Variants in SLFN12L observed in about 807,000 individuals in gnomAD.
SLFN12L encodes the protein schlafen family member 12 like.
SLFN12L carries 34 observed loss-of-function variants against 34.8 expected under a neutral mutation model. The observed-to-expected ratio is 0.98, with a 90% confidence interval of 0.74 to 1.30. SLFN12L has a LOEUF of 1.30. SLFN12L is among the 50% of genes most tolerant of loss of function. The pLI, the probability that SLFN12L is intolerant of heterozygous loss-of-function variation, is 0.00. For missense variants in SLFN12L, 703 were observed against 696.2 expected (o/e 1.01, Z -0.11); for synonymous variants, 259 against 247.5 (o/e 1.05, Z -0.44).
In SLFN12L at chr17:35,472,100, A is replaced by G. The variant is rs1038039149; in HGVS notation, c.*2823T>C. Among the ~76,000 whole-genome samples the G allele has an allele frequency of 1.3e-5, 2 of 152,098 alleles. No individual in the cohort carries two copies. Among genetic ancestry groups the G allele is most frequent in the African/African-American group, 2.4e-5 (1 of 41,390 alleles). On this transcript the variant is annotated 3_prime_UTR_variant, in exon 5 of 5. Transcript: ENST00000628453. ...TTTGTCAACTTTGGCTTTCGTTGCA[A>G]TTGCTTTTGGTGTTTTTGTCATGAA...
Position 35,467,261 on chromosome 17 carries a change from C to T in SLFN12L, c.*7662G>A, listed in dbSNP as rs34048495. Among the ~76,000 whole-genome samples, 23,106 of 152,160 alleles carry T rather than the reference C, an allele frequency of 0.15. 1,876 individuals are homozygous for T. The highest frequency in any genetic ancestry group is 0.27 in the South Asian group (1,285 of 4,826). On this transcript the variant is annotated 3_prime_UTR_variant, in exon 5 of 5. Coordinates refer to ENST00000628453, the MANE Select transcript of SLFN12L (RefSeq NM_001363830.2). Reference sequence around the variant, plus strand: ...ATGATGGAGCTAGGTGGAATATTACCGAATGCTGGATGCCCTGGCCAACAA... The same window carrying T: ...ATGATGGAGCTAGGTGGAATATTACTGAATGCTGGATGCCCTGGCCAACAA...
At chr17:35,521,666 G>A (rs1191515030) in intron 2 of SLFN12L, among the ~76,000 whole-genome samples, 1 of 152,076 alleles carries the variant, frequency 6.6e-6, no homozygotes, top group Non-Finnish European at 1.5e-5. Context: ...TCAGGGATAT[G>A]GTGAACTATG....
At position 35,472,133 on chromosome 17, in the gene SLFN12L, C is replaced by A. The variant is rs1913818519; in HGVS notation, c.*2790G>T. On this transcript the variant is annotated 3_prime_UTR_variant, in exon 5 of 5. Transcript: ENST00000628453. ...TGGTGTTTTTGTCATGAAGTCTTTG[C>A]CCATGCCTATGTCCTGAATGGTATT... Among the ~76,000 whole-genome samples the A allele has an allele frequency of 6.6e-6, 1 of 152,170 alleles. No individual in the cohort carries two copies. Among genetic ancestry groups the A allele is most frequent in the African/African-American group, 2.4e-5 (1 of 41,428 alleles).
chr17:35,530,480 G>GA (rs1397358870), intron 1 of SLFN12L, among the ~76,000 whole-genome samples: 1 of 53,142 alleles, frequency 1.9e-5, no homozygotes, highest in Non-Finnish European at 4.4e-5. Context: ...AAGAAAGAAA[G>GA]AAAGAAAGAA....
intron 3 of SLFN12L, 98 bp from the exon 4 acceptor site, chr17:35,478,283 A>G (rs1914128140): frequency 1.4e-6 from 1 of 713,006 alleles, no homozygotes; most frequent in South Asian, 1.7e-5. Flanking sequence ...TCTACTTAGA[A>G]CTGATCCTGC....
intron 2 of SLFN12L, among the ~76,000 whole-genome samples, chr17:35,521,544 G>A (rs889528043): frequency 2.0e-5 from 3 of 152,186 alleles, no homozygotes; most frequent in South Asian, 2.1e-4. Context: ...AAGCCAGATT[G>A]CAGAGATAGG....
rs1305238293 is a variant in SLFN12L at position 35,471,082 on chromosome 17, TC to T, written c.*3840del. On this transcript the variant is annotated 3_prime_UTR_variant, in exon 5 of 5. Transcript: ENST00000628453. ...ATCACTGATGGGCATTTGGGTTGGT[TC>T]CATGCCTTTGCTATTGTAAATAGTG... 7.9e-5 allele frequency among the ~76,000 whole-genome samples: 12 copies of T among 152,076 alleles called. No homozygotes were observed. Among genetic ancestry groups the T allele is most frequent in the African/African-American group, 2.9e-4 (12 of 41,388 alleles).
At chr17:35,486,278 C>T (rs1171800836) in intron 2 of SLFN12L, among the ~76,000 whole-genome samples, 1 of 152,178 alleles carries the variant, frequency 6.6e-6, no homozygotes, top group African/African-American at 2.4e-5. Flanking sequence ...GAGTCCTGTC[C>T]CCTTTCCTCC....
chr17:35,524,295 A>G (rs2072312152), intron 1 of SLFN12L, among the ~76,000 whole-genome samples: 1 of 152,226 alleles, frequency 6.6e-6, no homozygotes, highest in South Asian at 2.1e-4. Flanking sequence ...CTGTGGGTGC[A>G]GTGTCAGCAG....
At chr17:35,499,160 T>C in intron 2 of SLFN12L, 2 of 928,152 alleles carry the variant, frequency 2.2e-6, no homozygotes, top group Non-Finnish European at 3.3e-6. Context: ...ATTTGGCTTG[T>C]GATATTCTGG....
chr17:35,511,340 T>TC (rs1915637861), intron 2 of SLFN12L, among the ~76,000 whole-genome samples: 1 of 152,168 alleles, frequency 6.6e-6, no homozygotes, highest in South Asian at 2.1e-4. Flanking sequence ...TTCAACAAGG[T>TC]CAGAAAGATA....
chr17:35,528,296 A>T (rs2072357864), intron 1 of SLFN12L, among the ~76,000 whole-genome samples: 1 of 152,222 alleles, frequency 6.6e-6, no homozygotes. Flanking sequence ...TACAGATTCA[A>T]TGCTATCCCC....
intron 2 of SLFN12L, among the ~76,000 whole-genome samples, chr17:35,507,183 T>G (rs1915489111): frequency 6.6e-6 from 1 of 152,172 alleles, no homozygotes; most frequent in African/African-American, 2.4e-5. Context: ...TAAAGACAGG[T>G]GAACTCCTGG....
At chr17:35,477,681 A>G (rs1914096868) in intron 4 of SLFN12L, among the ~76,000 whole-genome samples, 1 of 152,114 alleles carries the variant, frequency 6.6e-6, no homozygotes, top group Non-Finnish European at 1.5e-5. Context: ...TTCCATGTAT[A>G]TACCCAAATA....
rs1555545953 is a variant in SLFN12L, at chr17:35,530,441, G to GGAGA, written c.-606+7131_-606+7132insTCTC. On this transcript the variant is annotated intron_variant, in intron 1 of 4. Transcript: ENST00000628453. ...AGGAAGGAAGGAAGGGAAGGGAAGG[G>GGAGA]AAGAAAGAAAGAAAGAAAGAAAGAA... Among the ~76,000 whole-genome samples the GGAGA allele has an allele frequency of 1.2e-4, 2 of 16,838 alleles. 1 individual carries two copies. Among genetic ancestry groups the GGAGA allele is most frequent in the Non-Finnish European group, 4.5e-4 (2 of 4,466 alleles). 11.0% of individuals were successfully genotyped at this position (16,838 alleles called of 152,430 possible).
intron 1 of SLFN12L, among the ~76,000 whole-genome samples, chr17:35,533,165 T>C (rs962816533): frequency 3.3e-5 from 5 of 152,238 alleles, no homozygotes; most frequent in East Asian, 1.9e-4. Flanking sequence ...CAAGTTGTTA[T>C]GCTTTTAGTT....
intron 1 of SLFN12L, among the ~76,000 whole-genome samples, chr17:35,525,285 T>C (rs568143043): frequency 6.6e-6 from 1 of 152,162 alleles, no homozygotes; most frequent in African/African-American, 2.4e-5. Flanking sequence ...AAAACACTCT[T>C]CAGGATATTA....
At chr17:35,493,319 T>C (rs1891658198) in intron 2 of SLFN12L, among the ~76,000 whole-genome samples, 1 of 152,166 alleles carries the variant, frequency 6.6e-6, no homozygotes. Flanking sequence ...TGGGAAACCA[T>C]TTATGCCAAG....
chr17:35,530,500 GAAAGAAAGAAAGA>G (rs1567694460), intron 1 of SLFN12L, among the ~76,000 whole-genome samples: 6 of 34,752 alleles, frequency 1.7e-4, no homozygotes, highest in Non-Finnish European at 3.8e-4. Flanking sequence ...AAGAAAGAAA[GAAAGAAAGAAAGA>G]AAAGAAAAGA....
Sources: gnomAD v4.1 joint callset for allele counts (sites outside exome capture counted in the v4.1 genomes callset) on GRCh38, gnomAD v4.1.1 for gene constraint, MANE v1.5 for transcripts, NCBI Gene and HGNC (gene_info 2026-07-23, HGNC 2026-07-21) for gene names.